The following SYT1 variants were observed in gnomAD, a reference collection of about 807,000 sequenced individuals.
SYT1 encodes synaptotagmin 1.
In SYT1, 8 loss-of-function variants were observed where a neutral mutation model predicts 44.8. The observed-to-expected ratio is 0.18, with a 90% CI of 0.10 to 0.32. SYT1 has a LOEUF of 0.32. SYT1 is among the 10% of genes least tolerant of loss of function. The pLI, the probability that SYT1 is intolerant of heterozygous loss-of-function variation, is 1.00. For missense variants in SYT1, 286 were observed against 509.3 expected (o/e 0.56, Z 4.22); for synonymous variants, 154 against 188.8 (o/e 0.82, Z 1.51).
chr12:79,023,694 G>T (rs1406234930), intron 2 of SYT1, among the ~76,000 whole-genome samples: 1 of 151,606 alleles, frequency 6.6e-6, no homozygotes, highest in Non-Finnish European at 1.5e-5. Context: ...GCCTACAGAC[G>T]TTACAAGACA....
intron 9 of SYT1, among the ~76,000 whole-genome samples, chr12:79,384,257 T>A (rs1034252558): frequency 1.3e-5 from 2 of 152,160 alleles, no homozygotes; most frequent in Non-Finnish European, 2.9e-5. Context: ...ATATGCTCAT[T>A]TGCAACTGCA....
chr12:79,353,050 T>G (rs1882974550), intron 8 of SYT1, among the ~76,000 whole-genome samples: 1 of 152,200 alleles, frequency 6.6e-6, no homozygotes, highest in Admixed American at 6.5e-5. Flanking sequence ...CCCAAAAACC[T>G]AGAGTATTAG....
chr12:79,438,829 T>C (rs1270172620), intron 9 of SYT1, among the ~76,000 whole-genome samples: 1 of 152,210 alleles, frequency 6.6e-6, no homozygotes, highest in Non-Finnish European at 1.5e-5. Context: ...TGGTAAGTCA[T>C]ATCCCCGTAG....
chr12:79,406,036 A>G (rs1006653461), intron 9 of SYT1, among the ~76,000 whole-genome samples: 2 of 152,262 alleles, frequency 1.3e-5, no homozygotes, highest in East Asian at 1.9e-4. Context: ...CAGGAAAGTA[A>G]TGGTTTAAAA....
intron 3 of SYT1, among the ~76,000 whole-genome samples, chr12:79,164,622 T>C (rs1177790736): frequency 1.3e-5 from 2 of 152,072 alleles, no homozygotes; most frequent in Non-Finnish European, 2.9e-5. Context: ...CCTCTTGTTT[T>C]GTCTTTGGAA....
intron 3 of SYT1, among the ~76,000 whole-genome samples, chr12:79,101,925 A>G (rs1878466759): frequency 6.6e-6 from 1 of 151,826 alleles, no homozygotes; most frequent in Non-Finnish European, 1.5e-5. Flanking sequence ...GTAAAATTGA[A>G]ATAAATTAAT....
In SYT1 at chr12:79,103,142, C is replaced by T. The variant is rs1878531158; in HGVS notation, c.-18+55780C>T. On this transcript the variant is annotated intron_variant, in intron 3 of 10. Transcript: ENST00000261205. ...TATTGACTGTGGCTTTCCCTAAACA[C>T]AGATAAGTTTTACTTATCGTGGCAA... The T allele has an allele frequency of 3.3e-5, 5 of 152,182 alleles. No individual in the cohort carries two copies. The South Asian group carries it at 1.0e-3, about 31-fold the overall frequency. 9.4% of individuals were successfully genotyped at this position (152,182 alleles called of 1,614,324 possible).
intron 3 of SYT1, among the ~76,000 whole-genome samples, chr12:79,163,928 T>A (rs1871098335): frequency 6.6e-6 from 1 of 152,114 alleles, no homozygotes; most frequent in South Asian, 2.1e-4. Flanking sequence ...ACACCTTCAT[T>A]TCTTCAATCA....
chr12:78,947,876 A>C (rs1246046938), intron 1 of SYT1, among the ~76,000 whole-genome samples: 1 of 151,966 alleles, frequency 6.6e-6, no homozygotes, highest in Non-Finnish European at 1.5e-5. Flanking sequence ...TCTTTTATAT[A>C]AACCAATCTC....
intron 8 of SYT1, among the ~76,000 whole-genome samples, chr12:79,348,784 T>C (rs1177831243): frequency 6.6e-6 from 1 of 151,450 alleles, no homozygotes; most frequent in African/African-American, 2.4e-5. Context: ...GAGGTCATAG[T>C]GTAGGATGGT....
At chr12:79,000,031 AGATCAGATTATATTAAATTG>A (rs1265587513) in intron 2 of SYT1, among the ~76,000 whole-genome samples, 1 of 152,204 alleles carries the variant, frequency 6.6e-6, no homozygotes, top group African/African-American at 2.4e-5. Context: ...TACCAATATT[AGATCAGATTATATTAAATTG>A]GATTGGGGCG....
At chr12:79,384,477 C>G (rs772350020) in intron 9 of SYT1, among the ~76,000 whole-genome samples, 1 of 152,040 alleles carries the variant, frequency 6.6e-6, no homozygotes, top group Non-Finnish European at 1.5e-5. Context: ...AGTGGCTGTA[C>G]CTGAACTAGG....
intron 3 of SYT1, among the ~76,000 whole-genome samples, chr12:79,095,342 T>C (rs1250331983): frequency 1.3e-5 from 2 of 151,982 alleles, no homozygotes; most frequent in African/African-American, 4.8e-5. Context: ...AAAACTTTTC[T>C]CATTTAAAAG....
chr12:78,896,687 G>A (rs1174965605), intron 1 of SYT1, among the ~76,000 whole-genome samples: 2 of 151,750 alleles, frequency 1.3e-5, no homozygotes, highest in Admixed American at 6.6e-5. Flanking sequence ...TATTTATAAT[G>A]TAGAAAGCCA....
intron 3 of SYT1, among the ~76,000 whole-genome samples, chr12:79,130,862 C>A (rs77312623): frequency 0.024 from 3,612 of 152,212 alleles, 115 homozygotes; most frequent in South Asian, 0.1. Flanking sequence ...GTCAGAACCT[C>A]AGTCCCTTCA....
intron 1 of SYT1, among the ~76,000 whole-genome samples, chr12:78,947,813 A>T (rs921061137): frequency 1.3e-5 from 2 of 151,900 alleles, no homozygotes; most frequent in African/African-American, 2.4e-5. Flanking sequence ...AAAAAGATAG[A>T]ATTTAAAAAG....
At chr12:79,254,452 C>T (rs191512822) in intron 4 of SYT1, among the ~76,000 whole-genome samples, 115 of 152,316 alleles carry the variant, frequency 7.6e-4, no homozygotes, top group Non-Finnish European at 5.7e-4. Flanking sequence ...ACAATACACA[C>T]AGTCACCCAA....
chr12:79,289,803 A>G (rs1004125303), intron 5 of SYT1, among the ~76,000 whole-genome samples: 1 of 152,112 alleles, frequency 6.6e-6, no homozygotes, highest in Non-Finnish European at 1.5e-5. Context: ...GAGCACACCT[A>G]AGACAGTGTT....
intron 9 of SYT1, among the ~76,000 whole-genome samples, chr12:79,422,551 A>G (rs1338522391): frequency 6.6e-6 from 1 of 151,690 alleles, no homozygotes; most frequent in Non-Finnish European, 1.5e-5. Flanking sequence ...TTGATTTTGG[A>G]TACCATCCAC....
Sources: allele counts gnomAD v4.1 joint callset (sites outside exome capture counted in the v4.1 genomes callset), GRCh38; gene constraint gnomAD v4.1.1; transcripts MANE v1.5; gene names NCBI Gene and HGNC (gene_info 2026-07-23, HGNC 2026-07-21).